SHC4: variants seen among roughly 807,000 people sequenced by gnomAD.
The protein encoded by SHC4 is SHC-transforming protein 4.
SHC4 carries 41 observed loss-of-function variants against 69.4 expected under a neutral mutation model. That is an observed-to-expected ratio of 0.59 (90% CI 0.46 to 0.77). The LOEUF (loss-of-function observed/expected upper bound fraction) is 0.77, where lower values mean the gene tolerates loss of function less well. Ranked by LOEUF, SHC4 falls within the 30% of genes least tolerant of loss-of-function variation. SHC4 has a pLI of 0.00. For missense variants in SHC4, 777 were observed against 783.8 expected (o/e 0.99, Z 0.10); for synonymous variants, 318 against 299.3 (o/e 1.06, Z -0.64).
intron 2 of SHC4, among the ~76,000 whole-genome samples, chr15:48,894,132 TGAA>T (rs930807893): frequency 2.0e-5 from 3 of 152,164 alleles, no homozygotes; most frequent in African/African-American, 7.2e-5. Flanking sequence ...TATAGAAATA[TGAA>T]GAAGTCTATA....
chr15:48,962,406 A>G, intron 1 of SHC4, 25 bp downstream of exon 1: 1 of 1,511,108 alleles, frequency 6.6e-7, no homozygotes, highest in South Asian at 1.3e-5. Context: ...AAGTTCTTAG[A>G]GGGCAGAGAG....
intron 2 of SHC4, among the ~76,000 whole-genome samples, chr15:48,891,273 G>T (rs535510565): frequency 6.6e-6 from 1 of 152,010 alleles, no homozygotes; most frequent in Non-Finnish European, 1.5e-5. Flanking sequence ...TAAAAGGATC[G>T]GGAGAACGTT....
At chr15:48,847,711 T>C (rs1899118599) in intron 9 of SHC4, among the ~76,000 whole-genome samples, 3 of 152,230 alleles carry the variant, frequency 2.0e-5, no homozygotes, top group Admixed American at 2.0e-4. Context: ...TAAAAACATA[T>C]GCCCAAGTAG....
rs562937801 is a variant in SHC4, at chr15:48,901,213, C to A, written c.657-10402G>T. ...CAGGTAGCAGGTGGGATTTGGCCTG[C>A]AGGCTGTTGTTCTCTGACTCTTGCT... On this transcript the variant is annotated intron_variant, in intron 2 of 11. Transcript: ENST00000332408. Among the ~76,000 whole-genome samples the A allele has an allele frequency of 3.9e-5, 6 of 152,290 alleles. No individual in the cohort carries two copies. In the East Asian group the frequency reaches 1.2e-3, roughly 29 times the overall value.
chr15:48,889,743 C>G (rs1399810986), intron 3 of SHC4, among the ~76,000 whole-genome samples: 1 of 152,184 alleles, frequency 6.6e-6, no homozygotes, highest in African/African-American at 2.4e-5. Context: ...ACTCGGGGGG[C>G]TGAGGCAGGA....
At position 48,904,703 on chromosome 15, in the gene SHC4, C is replaced by T. The variant is rs532270659; in HGVS notation, c.657-13892G>A. Among the ~76,000 whole-genome samples, 7 of 152,162 alleles carry T rather than the reference C, an allele frequency of 4.6e-5. No homozygotes were observed. The South Asian group carries it at 6.2e-4, about 14-fold the overall frequency. ...GACCAGCCTGGGCAATATAGCAAGA[C>T]CTCATCTCCACACACACACACAAAA... On this transcript the variant is annotated intron_variant, in intron 2 of 11. Transcript: ENST00000332408.
intron 3 of SHC4, among the ~76,000 whole-genome samples, chr15:48,888,819 C>T (rs1169873034): frequency 6.6e-6 from 1 of 150,786 alleles, no homozygotes; most frequent in African/African-American, 2.4e-5. Context: ...TCGTTTGAAC[C>T]CCCAGGAGGC....
chr15:48,946,076 A>G (rs981843598), intron 1 of SHC4: 4 of 152,234 alleles, frequency 2.6e-5, no homozygotes, highest in African/African-American at 9.6e-5. Context: ...GAAAAAGTCA[A>G]TGATTGCCTA....
chr15:48,942,720 G>A (rs560626649), intron 1 of SHC4, among the ~76,000 whole-genome samples: 2 of 152,294 alleles, frequency 1.3e-5, no homozygotes, highest in African/African-American at 4.8e-5. Flanking sequence ...AAAAAGTTAG[G>A]AATGCTGAAG....
intron 10 of SHC4, among the ~76,000 whole-genome samples, chr15:48,842,528 T>C (rs961180253): frequency 1.3e-5 from 2 of 152,200 alleles, no homozygotes; most frequent in East Asian, 1.9e-4. Context: ...ATATTAACTA[T>C]GGTGAAGGAT....
In SHC4 at chr15:48,911,609, G is replaced by A. The variant is rs904710035; in HGVS notation, c.656+13270C>T. On this transcript the variant is annotated intron_variant, in intron 2 of 11. Transcript: ENST00000332408. Reference sequence around the variant, plus strand: ...AGGTTTAGATTGAAGAGCATTCATCGTGCTCTTTGTTGCCTGTGTACTTTG... The same window carrying A: ...AGGTTTAGATTGAAGAGCATTCATCATGCTCTTTGTTGCCTGTGTACTTTG... 3.9e-5 allele frequency among the ~76,000 whole-genome samples: 6 copies of A among 152,206 alleles called. No individual in the cohort carries two copies. In the South Asian group the frequency reaches 8.3e-4, roughly 21 times the overall value.
chr15:48,928,027 T>C (rs1407639164), intron 1 of SHC4, among the ~76,000 whole-genome samples: 2 of 152,138 alleles, frequency 1.3e-5, no homozygotes. Flanking sequence ...GAATGAAGCA[T>C]CTTTTGTTCA....
chr15:48,868,363 G>C (rs762007937), intron 5 of SHC4, among the ~76,000 whole-genome samples: 1 of 152,124 alleles, frequency 6.6e-6, no homozygotes, highest in Non-Finnish European at 1.5e-5. Flanking sequence ...TGTATGCAGT[G>C]TAAGTTAACT....
At chr15:48,858,319 G>A (rs1018724775) in intron 6 of SHC4, among the ~76,000 whole-genome samples, 8 of 152,162 alleles carry the variant, frequency 5.3e-5, no homozygotes, top group African/African-American at 9.6e-5. Flanking sequence ...CCCCCGCCCC[G>A]CTGCCACCCC....
At chr15:48,873,761 A>G (rs571842801) in intron 4 of SHC4, among the ~76,000 whole-genome samples, 19 of 152,242 alleles carry the variant, frequency 1.2e-4, no homozygotes, top group African/African-American at 4.6e-4. Context: ...ACAGAAAAAT[A>G]GCCAATTAGA....
At chr15:48,830,852 AGGTCCTTTAG>A (rs1418422142) in intron 11 of SHC4, among the ~76,000 whole-genome samples, 1 of 152,222 alleles carries the variant, frequency 6.6e-6, no homozygotes, top group South Asian at 2.1e-4. Flanking sequence ...AGACTCAAGC[AGGTCCTTTAG>A]GAGATATTCT....
chr15:48,868,624 TAC>T (rs1188451339), intron 5 of SHC4, among the ~76,000 whole-genome samples: 1 of 152,098 alleles, frequency 6.6e-6, no homozygotes, highest in Non-Finnish European at 1.5e-5. Context: ...TGGGAAAAAA[TAC>T]ACACAATTCC....
intron 2 of SHC4, among the ~76,000 whole-genome samples, chr15:48,921,711 G>A: frequency 6.6e-6 from 1 of 152,200 alleles, no homozygotes; most frequent in East Asian, 1.9e-4. Context: ...TTCTGCAGAT[G>A]GATGGTGACG....
chr15:48,835,975 C>T (rs140777758), intron 10 of SHC4, among the ~76,000 whole-genome samples: 1,684 of 133,802 alleles, frequency 0.013, 38 homozygotes, highest in African/African-American at 0.046. Context: ...CTCAGGAGTT[C>T]GAGACCAGCC....
Sources: gnomAD v4.1 joint callset for allele counts (sites outside exome capture counted in the v4.1 genomes callset) on GRCh38, gnomAD v4.1.1 for gene constraint, MANE v1.5 for transcripts, NCBI Gene and HGNC (gene_info 2026-07-23, HGNC 2026-07-21) for gene names.